Variants in SNTG2 observed in about 807,000 individuals in gnomAD.
The protein encoded by SNTG2 is syntrophin gamma 2, also known as gamma-2-syntrophin.
SNTG2 carries 74 observed loss-of-function variants against 70.9 expected under a neutral mutation model. That is an observed-to-expected ratio of 1.04 (90% CI 0.86 to 1.27). The LOEUF is 1.27. Among genes scored for constraint, SNTG2 ranks in the 50% most tolerant of loss-of-function variants. The pLI, the probability that SNTG2 is intolerant of heterozygous loss-of-function variation, is 0.00. For missense variants in SNTG2, 717 were observed against 690.7 expected (o/e 1.04, Z -0.43); for synonymous variants, 278 against 273.8 (o/e 1.02, Z -0.15).
At chr2:1,244,968 G>A (rs1163212764) in intron 11 of SNTG2, among the ~76,000 whole-genome samples, 1 of 151,980 alleles carries the variant, frequency 6.6e-6, no homozygotes, top group Non-Finnish European at 1.5e-5. Flanking sequence ...CATGTCCTTT[G>A]TAGGGACATG....
chr2:1,117,930 G>A (rs1204884089), intron 4 of SNTG2, among the ~76,000 whole-genome samples: 2 of 152,142 alleles, frequency 1.3e-5, no homozygotes, highest in Admixed American at 6.5e-5. Flanking sequence ...GATTGCAGCT[G>A]TGCCCTGTAT....
At chr2:1,298,531 G>T (rs1007364091) in intron 14 of SNTG2, among the ~76,000 whole-genome samples, 6 of 152,156 alleles carry the variant, frequency 3.9e-5, no homozygotes, top group African/African-American at 1.4e-4. Context: ...AGTAAGCATT[G>T]GTAGAGACCC....
At chr2:1,048,756 C>G (rs1661886234) in intron 1 of SNTG2, among the ~76,000 whole-genome samples, 2 of 152,124 alleles carry the variant, frequency 1.3e-5, no homozygotes, top group Admixed American at 1.3e-4. Context: ...AGCAGTTTTC[C>G]AAAGTGGTTG....
At chr2:1,082,537 C>G (rs894831082) in intron 1 of SNTG2, among the ~76,000 whole-genome samples, 5 of 152,206 alleles carry the variant, frequency 3.3e-5, no homozygotes, top group Non-Finnish European at 7.3e-5. Flanking sequence ...CACTGGGGCT[C>G]TAGGCAGAGA....
intron 1 of SNTG2, among the ~76,000 whole-genome samples, chr2:983,290 A>G (rs1364406688): frequency 2.7e-5 from 3 of 109,158 alleles, no homozygotes; most frequent in Admixed American, 8.7e-5. Context: ...GCTCTCTTCC[A>G]TAGAAGCTGC....
At chr2:1,357,900 A>G (rs887096135) in intron 16 of SNTG2, among the ~76,000 whole-genome samples, 1 of 150,852 alleles carries the variant, frequency 6.6e-6, no homozygotes, top group Non-Finnish European at 1.5e-5. Flanking sequence ...TTTTTTTCTT[A>G]GTTATATTAG....
chr2:1,333,266 G>A (rs1254568608), intron 16 of SNTG2, among the ~76,000 whole-genome samples: 1 of 152,048 alleles, frequency 6.6e-6, no homozygotes, highest in Non-Finnish European at 1.5e-5. Flanking sequence ...TCCCTACAAG[G>A]GAAACTACAA....
At chr2:1,068,459 T>C (rs893265387) in intron 1 of SNTG2, 10 of 152,220 alleles carry the variant, frequency 6.6e-5, no homozygotes, top group African/African-American at 2.4e-4. Flanking sequence ...CGATCTGTTA[T>C]TGCAGCTGCT....
intron 2 of SNTG2, among the ~76,000 whole-genome samples, chr2:1,089,990 C>G (rs1448086716): frequency 6.6e-6 from 1 of 152,236 alleles, no homozygotes; most frequent in Non-Finnish European, 1.5e-5. Context: ...GGTACTGATG[C>G]TCCTACCGAC....
At chr2:1,085,579 T>C (rs1401651399) in intron 2 of SNTG2, among the ~76,000 whole-genome samples, 2 of 152,258 alleles carry the variant, frequency 1.3e-5, no homozygotes, top group Non-Finnish European at 2.9e-5. Context: ...CCGTTAATGA[T>C]AGATGACCAT....
chr2:1,170,372 TAGTC>T (rs1286755436), intron 7 of SNTG2, among the ~76,000 whole-genome samples: 7 of 152,146 alleles, frequency 4.6e-5, no homozygotes, highest in African/African-American at 1.7e-4. Context: ...CTGTGCCAGT[TAGTC>T]AGCCCGGACT....
chr2:1,259,135 C>T (rs1033283177), intron 12 of SNTG2, among the ~76,000 whole-genome samples: 2 of 152,216 alleles, frequency 1.3e-5, no homozygotes, highest in South Asian at 2.1e-4. Flanking sequence ...AGGAGATAGA[C>T]GTTTTCCTGT....
chr2:1,022,857 G>A lies in SNTG2; in HGVS notation c.73-60661G>A, dbSNP rs1031545502. Among the ~76,000 whole-genome samples, 16 of 152,264 alleles carry A rather than the reference G, an allele frequency of 1.1e-4. No individual in the cohort carries two copies. The Middle Eastern group carries it at 0.017, about 162-fold the overall frequency. On this transcript the variant is annotated intron_variant, in intron 1 of 16. Transcript: ENST00000308624. ...GTTAACATTGTAGCATCTTGATAGCGAATATAAATCCATAGACCTTGAGAA... is the reference window on the plus strand; with the variant it reads ...GTTAACATTGTAGCATCTTGATAGCAAATATAAATCCATAGACCTTGAGAA...
intron 1 of SNTG2, among the ~76,000 whole-genome samples, chr2:1,073,687 A>G (rs1252584318): frequency 6.6e-6 from 1 of 152,228 alleles, no homozygotes; most frequent in Non-Finnish European, 1.5e-5. Flanking sequence ...AGTAGATGTA[A>G]TAACATTATA....
chr2:1,074,553 A>G (rs751557422), intron 1 of SNTG2, among the ~76,000 whole-genome samples: 4 of 152,210 alleles, frequency 2.6e-5, no homozygotes, highest in African/African-American at 4.8e-5. Flanking sequence ...CAGCATTTCA[A>G]TTCTATAAAA....
intron 1 of SNTG2, among the ~76,000 whole-genome samples, chr2:1,057,939 A>T (rs1662570983): frequency 6.6e-6 from 1 of 152,176 alleles, no homozygotes; most frequent in African/African-American, 2.4e-5. Context: ...ACTCAGGAGA[A>T]TTGTTTAAGC....
At chr2:1,239,333 A>G (rs77607267) in intron 10 of SNTG2, among the ~76,000 whole-genome samples, 1,832 of 152,300 alleles carry the variant, frequency 0.012, 41 homozygotes, top group African/African-American at 0.042. Context: ...GGAAAACAAC[A>G]TCTACCTCCA....
At chr2:1,077,960 C>T (rs541581983) in intron 1 of SNTG2, among the ~76,000 whole-genome samples, 9 of 152,106 alleles carry the variant, frequency 5.9e-5, no homozygotes, top group South Asian at 4.2e-4. Flanking sequence ...CACTGTTTTG[C>T]GGCTGCTGTG....
chr2:1,319,472 G>T (rs933585063), intron 16 of SNTG2, among the ~76,000 whole-genome samples: 1 of 152,116 alleles, frequency 6.6e-6, no homozygotes. Flanking sequence ...TCCATTTCCC[G>T]TGCTGGATCT....
Sources: gnomAD v4.1 joint callset for allele counts (sites outside exome capture counted in the v4.1 genomes callset) on GRCh38, gnomAD v4.1.1 for gene constraint, MANE v1.5 for transcripts, NCBI Gene and HGNC (gene_info 2026-07-23, HGNC 2026-07-21) for gene names.